Variants in CTNNA2 observed in about 807,000 individuals in gnomAD.
CTNNA2 encodes catenin alpha 2, also known as catenin alpha-2.
A neutral mutation model predicts 101.0 loss-of-function variants in CTNNA2; 42 were observed. The observed-to-expected ratio is 0.42, with a 90% confidence interval of 0.32 to 0.54. The LOEUF (loss-of-function observed/expected upper bound fraction) is 0.54. Ranked by LOEUF, CTNNA2 falls within the 20% of genes least tolerant of loss-of-function variation. CTNNA2 has a pLI of 0.14. For synonymous variants in CTNNA2, 450 were observed against 456.4 expected (o/e 0.99, Z 0.18); for missense variants, 871 against 1,223.1 (o/e 0.71, Z 4.29).
intron 7 of CTNNA2, among the ~76,000 whole-genome samples, chr2:80,156,047 G>A (rs1703981409): frequency 1.3e-5 from 2 of 152,192 alleles, no homozygotes; most frequent in South Asian, 2.1e-4. Context: ...GTGAGACTGA[G>A]ATTCTACATT....
chr2:79,835,517 A>C (rs1166820804), intron 3 of CTNNA2, among the ~76,000 whole-genome samples: 1 of 152,078 alleles, frequency 6.6e-6, no homozygotes, highest in African/African-American at 2.4e-5. Context: ...AGATTCTAAT[A>C]GCTTTCAGGC....
intron 9 of CTNNA2, among the ~76,000 whole-genome samples, chr2:80,504,385 G>T (rs990640821): frequency 2.5e-4 from 38 of 152,138 alleles, no homozygotes; most frequent in African/African-American, 9.2e-4. Context: ...CATAGATAAG[G>T]CTGGGCTCTC....
intron 16 of CTNNA2, among the ~76,000 whole-genome samples, chr2:80,607,106 C>G (rs531012409): frequency 6.6e-6 from 1 of 151,918 alleles, no homozygotes; most frequent in South Asian, 2.1e-4. Context: ...ACTGGCTTTA[C>G]AGTATTGATA....
intron 3 of CTNNA2, among the ~76,000 whole-genome samples, chr2:79,782,428 G>A (rs991001766): frequency 5.3e-5 from 8 of 151,968 alleles, no homozygotes; most frequent in African/African-American, 1.9e-4. Flanking sequence ...GTAGATACAG[G>A]GTTTCATCAT....
At chr2:79,990,352 A>G (rs1422606936) in intron 7 of CTNNA2, among the ~76,000 whole-genome samples, 1 of 152,100 alleles carries the variant, frequency 6.6e-6, no homozygotes, top group Admixed American at 6.6e-5. Flanking sequence ...GTCCCAGATA[A>G]CCTCACCAGG....
chr2:80,430,501 C>T (rs1318437181), intron 9 of CTNNA2, among the ~76,000 whole-genome samples: 2 of 152,160 alleles, frequency 1.3e-5, no homozygotes, highest in South Asian at 2.1e-4. Context: ...TGTTCTTTCT[C>T]CTGTTCCATA....
intron 8 of CTNNA2, among the ~76,000 whole-genome samples, chr2:80,402,351 G>A (rs1678632074): frequency 6.6e-6 from 1 of 152,102 alleles, no homozygotes; most frequent in Admixed American, 6.5e-5. Flanking sequence ...TAAGTCATTG[G>A]CCATTGGCAA....
chr2:80,458,332 A>G (rs1288438839), intron 9 of CTNNA2, among the ~76,000 whole-genome samples: 1 of 152,202 alleles, frequency 6.6e-6, no homozygotes, highest in Non-Finnish European at 1.5e-5. Context: ...GATGTGGACT[A>G]CTAAAACCTA....
chr2:79,865,509 T>A (rs1221933669), intron 4 of CTNNA2, among the ~76,000 whole-genome samples: 2 of 152,166 alleles, frequency 1.3e-5, no homozygotes, highest in Non-Finnish European at 2.9e-5. Flanking sequence ...ATGGGGTCAG[T>A]CTGTCCAAAC....
At chr2:80,613,879 C>T (rs3770356) in intron 17 of CTNNA2, among the ~76,000 whole-genome samples, 30 of 151,454 alleles carry the variant, frequency 2.0e-4, no homozygotes, top group East Asian at 2.0e-3. Flanking sequence ...TGTGGGCTGA[C>T]GAGTAATTTC....
rs532647395 is a variant in CTNNA2 at position 80,274,139 on chromosome 2, G to T, written c.1057-119072G>T. On this transcript the variant is annotated intron_variant, in intron 7 of 18. Coordinates refer to ENST00000402739, the MANE Select transcript of CTNNA2 (RefSeq NM_001282597.3). ...AGGACAGGGTAGCTGTAATGTCAGGGTCACATTTTGCAGAATATTCAGAGT... is the reference window on the plus strand; with the variant it reads ...AGGACAGGGTAGCTGTAATGTCAGGTTCACATTTTGCAGAATATTCAGAGT... Among the ~76,000 whole-genome samples the T allele has an allele frequency of 2.2e-4, 34 of 152,254 alleles. No individual in the cohort carries two copies. The South Asian group carries it at 7.0e-3, about 32-fold the overall frequency.
chr2:79,298,089 G>T (rs1211194193), intron 2 of CTNNA2, among the ~76,000 whole-genome samples: 1 of 152,162 alleles, frequency 6.6e-6, no homozygotes, highest in African/African-American at 2.4e-5. Flanking sequence ...CTGAGGCTGA[G>T]TGATTTATTT....
At chr2:79,565,768 T>C (rs996709066) in intron 1 of CTNNA2, among the ~76,000 whole-genome samples, 4 of 152,112 alleles carry the variant, frequency 2.6e-5, no homozygotes, top group Non-Finnish European at 5.9e-5. Flanking sequence ...TGTGAGGTTC[T>C]TGAAAGCTTT....
chr2:80,292,526 G>A (rs944250893), intron 7 of CTNNA2, among the ~76,000 whole-genome samples: 11 of 152,134 alleles, frequency 7.2e-5, no homozygotes, highest in African/African-American at 2.7e-4. Context: ...AAATCTTAAG[G>A]ATTTTGCAGG....
At chr2:79,594,866 T>C (rs1320205321) in intron 1 of CTNNA2, among the ~76,000 whole-genome samples, 1 of 152,142 alleles carries the variant, frequency 6.6e-6, no homozygotes, top group East Asian at 1.9e-4. Context: ...TACATCATTA[T>C]CAGAAACAAC....
At chr2:79,214,105 A>C (rs559119171) in intron 2 of CTNNA2, among the ~76,000 whole-genome samples, 1 of 152,252 alleles carries the variant, frequency 6.6e-6, no homozygotes, top group South Asian at 2.1e-4. Context: ...AGTCGGACAC[A>C]ATCAGCAGGG....
chr2:79,735,934 G>T (rs1670842862), intron 2 of CTNNA2, among the ~76,000 whole-genome samples: 2 of 152,092 alleles, frequency 1.3e-5, no homozygotes, highest in African/African-American at 4.8e-5. Flanking sequence ...CATTGTTTCT[G>T]ACTTTTGAAA....
At chr2:79,615,425 T>C (rs1424783532) in intron 1 of CTNNA2, among the ~76,000 whole-genome samples, 9 of 152,236 alleles carry the variant, frequency 5.9e-5, no homozygotes, top group Non-Finnish European at 2.9e-5. Flanking sequence ...TTATAATAGC[T>C]GTCTTGCTTT....
At chr2:80,226,230 A>G (rs951191332) in intron 7 of CTNNA2, among the ~76,000 whole-genome samples, 3 of 152,182 alleles carry the variant, frequency 2.0e-5, no homozygotes, top group Admixed American at 6.5e-5. Flanking sequence ...CTCTCTTAAT[A>G]GGCCTGTGAT....
Sources: allele counts gnomAD v4.1 joint callset (sites outside exome capture counted in the v4.1 genomes callset), GRCh38; gene constraint gnomAD v4.1.1; transcripts MANE v1.5; gene names NCBI Gene and HGNC (gene_info 2026-07-23, HGNC 2026-07-21).